Variants in DRD3 observed in about 807,000 individuals in gnomAD.
The protein encoded by DRD3 is D(3) dopamine receptor.
A neutral mutation model predicts 36.3 loss-of-function variants in DRD3; 19 were observed. The observed-to-expected ratio is 0.52, with a 90% CI of 0.36 to 0.77. The LOEUF (loss-of-function observed/expected upper bound fraction) is 0.77. Ranked by LOEUF, DRD3 falls within the 30% of genes least tolerant of loss-of-function variation. The pLI, the probability that DRD3 is intolerant of heterozygous loss-of-function variation, is 0.00. For synonymous variants in DRD3, 195 were observed against 203.7 expected, an observed-to-expected ratio of 0.96 and a Z score of 0.36; for missense variants, 465 against 505.3, an observed-to-expected ratio of 0.92 and a Z score of 0.77.
At chr3:114,174,596 T>C (rs1367987065) in intron 1 of DRD3, among the ~76,000 whole-genome samples, 1 of 152,208 alleles carries the variant, frequency 6.6e-6, no homozygotes, top group African/African-American at 2.4e-5. Flanking sequence ...ACATCTGATC[T>C]TAGATCCTTT....
At chr3:114,180,596 A>G (rs566216806), upstream of DRD3, among the ~76,000 whole-genome samples, 2 of 152,268 alleles carry the variant, frequency 1.3e-5, no homozygotes, top group East Asian at 3.9e-4. Flanking sequence ...AACTGTGCAA[A>G]AATAAATTTC....
At chr3:114,188,423 G>A (rs1171347062) in intron 1 of DRD3, among the ~76,000 whole-genome samples, 9 of 152,018 alleles carry the variant, frequency 5.9e-5, no homozygotes, top group Admixed American at 3.9e-4. Flanking sequence ...TGTTGCCCAG[G>A]CTGGCCTTGA....
intron 2 of DRD3, among the ~76,000 whole-genome samples, chr3:114,163,418 T>C (rs2077751953): frequency 6.6e-6 from 1 of 152,072 alleles, no homozygotes; most frequent in African/African-American, 2.4e-5. Flanking sequence ...AACTTATAGG[T>C]AAAGAAATGG....
intron 1 of DRD3, among the ~76,000 whole-genome samples, chr3:114,187,600 G>A (rs1464580331): frequency 6.6e-6 from 1 of 152,156 alleles, no homozygotes; most frequent in African/African-American, 2.4e-5. Context: ...CCAGAGTAAA[G>A]CAAAATGACA....
chr3:114,136,876 A>G (rs2077479505), intron 5 of DRD3, among the ~76,000 whole-genome samples: 1 of 152,188 alleles, frequency 6.6e-6, no homozygotes, highest in Non-Finnish European at 1.5e-5. Flanking sequence ...TCCCACATTC[A>G]GTGGTAAATA....
intron 4 of DRD3, among the ~76,000 whole-genome samples, chr3:114,147,174 G>A (rs1354582121): frequency 6.6e-6 from 1 of 151,954 alleles, no homozygotes; most frequent in Non-Finnish European, 1.5e-5. Context: ...ATAAAGATGA[G>A]CCAGACTTTT....
At position 114,128,799 on chromosome 3, in the gene DRD3, C is replaced by A. The variant is rs141536671; in HGVS notation, c.1120G>T (p.Val374Leu). Reference sequence around the variant, plus strand: ...ATCACAGGGTTGAGGGCGCTATTCACGTAGCCCAGCCATGTCGTGGCACTG... The same window carrying A: ...ATCACAGGGTTGAGGGCGCTATTCAAGTAGCCCAGCCATGTCGTGGCACTG... ...LYSATTWLGYVNSALNPVIYT... is the reference protein window; with the variant it reads ...LYSATTWLGYLNSALNPVIYT... Residue 374 changes from valine to leucine, a missense_variant, in exon 7 of 7, where the codon GTG becomes TTG. By Grantham distance (32) the Val-to-Leu change is conservative. Transcript: ENST00000383673. 5 of 1,613,980 alleles carry A rather than the reference C, an allele frequency of 3.1e-6. No homozygotes were observed. The highest frequency in any genetic ancestry group is 4.2e-6 in the Non-Finnish European group (5 of 1,179,970).
intron 1 of DRD3, among the ~76,000 whole-genome samples, chr3:114,196,309 T>C (rs1418078095): frequency 1.3e-5 from 2 of 152,202 alleles, no homozygotes; most frequent in Non-Finnish European, 2.9e-5. Context: ...ACTTTATTTC[T>C]ACTTTTTCAT....
chr3:114,138,737 A>G (rs961774290), intron 5 of DRD3, among the ~76,000 whole-genome samples: 13 of 152,210 alleles, frequency 8.5e-5, no homozygotes, highest in Admixed American at 5.9e-4. Context: ...CAAACATCCT[A>G]TTCAGCTCTG....
chr3:114,189,859 T>C (rs1329725310), intron 1 of DRD3, among the ~76,000 whole-genome samples: 2 of 152,180 alleles, frequency 1.3e-5, no homozygotes, highest in African/African-American at 4.8e-5. Flanking sequence ...TAGGTTTCCA[T>C]GGAAGTCTTC....
intron 2 of DRD3, among the ~76,000 whole-genome samples, chr3:114,160,426 T>A (rs944378225): frequency 1.3e-5 from 2 of 152,106 alleles, no homozygotes; most frequent in Admixed American, 1.3e-4. Flanking sequence ...TCTTCATTTT[T>A]AAATAAACAC....
Position 114,147,477 on chromosome 3 carries a change from G to A in DRD3, c.464C>T (p.Thr155Met), listed in dbSNP as rs202230210. ...SSCRRVALMI[T>M]AVWVLAFAVS... ...AGCAAAGGCCAGTACCCAGACGGCC[G>A]TGATCATGAGGGCCACGCGCCGACA... is the stretch of plus-strand genomic sequence containing the variant. The change falls in exon 4 of 7, where the codon ACG becomes ATG. Residue 155 changes from threonine to methionine, a missense_variant. By Grantham distance (81) the Thr-to-Met change is moderately conservative. Transcript: ENST00000383673. 6.8e-6 allele frequency: 11 copies of A among 1,614,018 alleles called. No homozygotes were observed. Among genetic ancestry groups the A allele is most frequent in the Middle Eastern group, 1.6e-4 (1 of 6,062 alleles).
chr3:114,131,038 C>A (rs78841538), intron 6 of DRD3, 80 bp downstream of exon 6: 1 of 1,487,962 alleles, frequency 6.7e-7, no homozygotes, highest in East Asian at 2.3e-5. Flanking sequence ...ATCAAATTTC[C>A]GATAGCATCT....
intron 4 of DRD3, among the ~76,000 whole-genome samples, chr3:114,145,734 A>C (rs1051590768): frequency 6.6e-6 from 1 of 152,206 alleles, no homozygotes; most frequent in Non-Finnish European, 1.5e-5. Flanking sequence ...ATCACATGTA[A>C]AGATATACAT....
chr3:114,149,307 A>G (rs1226454533), intron 3 of DRD3, among the ~76,000 whole-genome samples: 2 of 152,240 alleles, frequency 1.3e-5, no homozygotes, highest in African/African-American at 4.8e-5. Context: ...CCATGAGGTC[A>G]GACGGGGGAG....
At chr3:114,131,715 T>C (rs2077432984) in intron 5 of DRD3, among the ~76,000 whole-genome samples, 1 of 152,076 alleles carries the variant, frequency 6.6e-6, no homozygotes, top group South Asian at 2.1e-4. Context: ...CTTAAACAAA[T>C]TTACAAGAAA....
chr3:114,157,769 C>T (rs2107863278), intron 3 of DRD3, among the ~76,000 whole-genome samples: 1 of 152,212 alleles, frequency 6.6e-6, no homozygotes, highest in Admixed American at 6.5e-5. Flanking sequence ...AAGAACATGT[C>T]CACAATGCTG....
In DRD3 at chr3:114,128,560, G is replaced by A; in HGVS notation, c.*156C>T. On this transcript the variant is annotated 3_prime_UTR_variant, in exon 7 of 7. Coordinates refer to ENST00000383673, the MANE Select transcript of DRD3 (RefSeq NM_000796.6). The stretch of plus-strand genomic sequence containing the variant: ...CTGGGGAGGTAGAATATTCTGTTTT[G>A]GAGGACACATCTGGTTATACCTGAC... 1.6e-6 allele frequency: 1 copy of A among 627,694 alleles called. No individual in the cohort carries two copies. Among genetic ancestry groups the A allele is most frequent in the Admixed American group, 3.0e-5 (1 of 33,566 alleles). The allele number at this position is 627,694 out of a possible 1,614,324, so 38.9% of individuals were successfully genotyped here.
At chr3:114,186,290 G>C (rs572712579) in intron 1 of DRD3, among the ~76,000 whole-genome samples, 1 of 152,294 alleles carries the variant, frequency 6.6e-6, no homozygotes, top group South Asian at 2.1e-4. Context: ...ACCATGCCCG[G>C]TTAATTTTGT....
Sources: gnomAD v4.1 joint callset for allele counts (sites outside exome capture counted in the v4.1 genomes callset) on GRCh38, gnomAD v4.1.1 for gene constraint, MANE v1.5 for transcripts, NCBI Gene and HGNC (gene_info 2026-07-23, HGNC 2026-07-21) for gene names.